The following SPG7 variants were observed in gnomAD, a reference collection of about 807,000 sequenced individuals.
The protein encoded by SPG7 is mitochondrial inner membrane m-AAA protease component paraplegin.
A neutral mutation model predicts 81.9 loss-of-function variants in SPG7; 103 were observed. The ratio of observed to expected loss-of-function variants is 1.26; its 90% CI spans 1.07 to 1.48. The LOEUF (loss-of-function observed/expected upper bound fraction) is 1.48. SPG7 is among the 40% of genes most tolerant of loss of function. The pLI is 0.00. For missense variants in SPG7, 1,241 were observed against 1,087.3 expected, an observed-to-expected ratio of 1.14 and a Z score of -1.99; for synonymous variants, 534 against 444.2, an observed-to-expected ratio of 1.20 and a Z score of -2.54.
In SPG7 at chr16:89,532,574, T is replaced by C. The variant is rs751756594; in HGVS notation, c.1262T>C (p.Met421Thr). The C allele has an allele frequency of 8.1e-6, 13 of 1,613,694 alleles. No individual in the cohort carries two copies. In the African/African-American group the frequency reaches 1.3e-4, roughly 17 times the overall value. Residue 421 changes from methionine (M) to threonine (T), a missense_variant, in exon 9 of 17, where the codon ATG becomes ACG. By Grantham distance (81) the Met-to-Thr change is moderately conservative. Transcript: ENST00000645818. ...GTGGGCAAGAAGCGCTCCACCACCA[T>C]GTCCGGCTTCTCCAACACGGAGGAG... ...DAVGKKRSTT[M>T]SGFSNTEEEQ... is the part of the protein sequence containing the mutation.
In SPG7 at chr16:89,544,713, G is replaced by T. The variant is rs370111283; in HGVS notation, c.1390G>T (p.Ala464Ser). ...GAACCGAGCTGACATTTTGGACGGTGCTCTGATGAGGCCAGGCCGACTGGA... is the reference window on the plus strand; with the variant it reads ...GAACCGAGCTGACATTTTGGACGGTTCTCTGATGAGGCCAGGCCGACTGGA... ...STNRADILDG[A>S]LMRPGRLDRH... Residue 464 changes from alanine (A) to serine (S), a missense_variant, in exon 10 of 17, where the codon GCT becomes TCT. Transcript: ENST00000645818. The T allele has an allele frequency of 3.1e-6, 5 of 1,614,032 alleles. No individual in the cohort carries two copies. In the South Asian group the frequency reaches 3.3e-5, roughly 11 times the overall value.
chr16:89,540,867 T>C, intron 9 of SPG7: 1 of 979,226 alleles, frequency 1.0e-6, no homozygotes, highest in Non-Finnish European at 1.2e-6. Context: ...CTCATTTACC[T>C]GTAATAGCTA....
At chr16:89,536,758 C>T (rs2058430105) in intron 9 of SPG7, 3 of 1,613,690 alleles carry the variant, frequency 1.9e-6, no homozygotes, top group Admixed American at 1.7e-5. Context: ...CCTTCTTCTC[C>T]AACCAGGTGC....
rs1000406749 is a variant in SPG7, at chr16:89,544,636, C to T, written c.1325-12C>T. 4 of 1,613,866 alleles carry T rather than the reference C, an allele frequency of 2.5e-6. No homozygotes were observed. In the African/African-American group the frequency reaches 4.0e-5, roughly 16 times the overall value. ...CCTACCCTCAGAGCCACTGTCTGCT[C>T]TGTCCCCTCAGGAATGGGTACCACA... On this transcript the variant is annotated splice_polypyrimidine_tract_variant and intron_variant, in intron 9 of 16. Coordinates refer to ENST00000645818, the MANE Select transcript of SPG7 (RefSeq NM_003119.4).
intron 3 of SPG7, among the ~76,000 whole-genome samples, chr16:89,513,595 G>A (rs572018804): frequency 1.9e-4 from 29 of 152,138 alleles, no homozygotes; most frequent in Non-Finnish European, 3.2e-4. Context: ...TTGGCCAGGC[G>A]TGGTGGTGTG....
rs568303056 is a variant in SPG7, at chr16:89,524,350, G to A, written c.618+103G>A. 56 of 1,349,706 alleles carry A rather than the reference G, an allele frequency of 4.1e-5. No homozygotes were observed. In the East Asian group the frequency reaches 1.2e-3, roughly 30 times the overall value. The allele number at this position is 1,349,706 out of a possible 1,614,324, so 83.6% of individuals were successfully genotyped here. The stretch of plus-strand genomic sequence containing the variant: ...CCTGTGAATGAGGGTGTGGGCGCTG[G>A]CTGTTGCCATCCTTTTGGATACCTG... On this transcript the variant is annotated intron_variant, in intron 4 of 16. Coordinates refer to ENST00000645818, the MANE Select transcript of SPG7 (RefSeq NM_003119.4).
At chr16:89,508,797 G>A (rs565187672) in intron 1 of SPG7, 197 bp downstream of exon 1, 2 of 716,908 alleles carry the variant, frequency 2.8e-6, no homozygotes, top group South Asian at 3.0e-5. Flanking sequence ...GGCGGGCCGG[G>A]AAGAGGCAGG....
rs979548897 is a variant in SPG7, at chr16:89,557,151, C to A, written c.*58C>A. On this transcript the variant is annotated 3_prime_UTR_variant, in exon 17 of 17. Coordinates refer to ENST00000645818, the MANE Select transcript of SPG7 (RefSeq NM_003119.4). ...CGGGAAGTGAGGGCTCACTCAGCCACCCTGAGTTGCTTTTCAGCTGAGGTT... is the reference window on the plus strand; with the variant it reads ...CGGGAAGTGAGGGCTCACTCAGCCAACCTGAGTTGCTTTTCAGCTGAGGTT... 2 of 1,365,844 alleles carry A rather than the reference C, an allele frequency of 1.5e-6. No homozygotes were observed. Among genetic ancestry groups the A allele is most frequent in the Non-Finnish European group, 2.1e-6 (2 of 965,718 alleles). The allele number at this position is 1,365,844 out of a possible 1,614,324, so 84.6% of individuals were successfully genotyped here. A position where few individuals can be genotyped will look rare whatever the true frequency, so the allele number is the denominator to read the frequency against.
intron 9 of SPG7, 192 bp from the exon 10 acceptor site, chr16:89,544,456 G>C (rs954498359): frequency 6.3e-6 from 4 of 634,928 alleles, no homozygotes; most frequent in Non-Finnish European, 8.5e-6. Flanking sequence ...GCAAATTCCT[G>C]TTCCTCCTGG....
chr16:89,544,438 C>G (rs776337684), intron 9 of SPG7: 5 of 581,742 alleles, frequency 8.6e-6, no homozygotes, highest in African/African-American at 7.4e-5. Flanking sequence ...TTGCACTTGT[C>G]AAAATAGGCA....
At chr16:89,514,133 T>G (rs1188452665) in intron 3 of SPG7, among the ~76,000 whole-genome samples, 2 of 152,148 alleles carry the variant, frequency 1.3e-5, no homozygotes, top group Non-Finnish European at 2.9e-5. Context: ...TTTAGGCGTT[T>G]CTGGCTTTAG....
chr16:89,553,329 A>C, intron 14 of SPG7, 194 bp downstream of exon 14: 1 of 657,500 alleles, frequency 1.5e-6, no homozygotes, highest in South Asian at 1.8e-5. Context: ...TTAATTGGAC[A>C]AAAACTTAAC....
At chr16:89,527,947 A>G (rs1022323816) in intron 5 of SPG7, among the ~76,000 whole-genome samples, 2 of 151,512 alleles carry the variant, frequency 1.3e-5, no homozygotes, top group Non-Finnish European at 2.9e-5. Context: ...AAAAAAAAAG[A>G]TGCACCTTTA....
chr16:89,540,646 A>C (rs2058482361), intron 9 of SPG7: 1 of 154,286 alleles, frequency 6.5e-6, no homozygotes, highest in South Asian at 2.1e-4. Context: ...GATGCAAAGA[A>C]ACCAGATCCC....
At chr16:89,513,115 A>G in intron 3 of SPG7, 78 bp downstream of exon 3, 1 of 1,536,648 alleles carries the variant, frequency 6.5e-7, no homozygotes, top group Non-Finnish European at 8.8e-7. Flanking sequence ...TAGCAAGGTG[A>G]AACCAGTCTG....
intron 9 of SPG7, 157 bp from the exon 10 acceptor site, chr16:89,544,491 G>A (rs1049965561): frequency 5.0e-6 from 4 of 792,090 alleles, no homozygotes; most frequent in East Asian, 5.3e-5. Context: ...AGCGATGGGG[G>A]ATCGCGGCTC....
chr16:89,526,809 G>A lies in SPG7; in HGVS notation c.758+341G>A, dbSNP rs139178087. On this transcript the variant is annotated intron_variant, in intron 5 of 16. Coordinates refer to ENST00000645818, the MANE Select transcript of SPG7 (RefSeq NM_003119.4). ...AGATGCCGAAGTCTCAGCCCCCGAC[G>A]TAGGATGGCGAAGTCTCAGCCCCCG... The A allele has an allele frequency of 9.2e-3, 3,232 of 350,434 alleles. 102 individuals carry two copies. The highest frequency in any genetic ancestry group is 0.067 in the African/African-American group (2,989 of 44,538). The allele number at this position is 350,434 out of a possible 1,614,324, so 21.7% of individuals were successfully genotyped here. A position where few individuals can be genotyped will look rare whatever the true frequency, so the allele number is the denominator to read the frequency against.
chr16:89,537,393 C>T, intron 9 of SPG7: 2 of 1,087,020 alleles, frequency 1.8e-6, no homozygotes, highest in South Asian at 3.0e-5. Context: ...TCGGCGCTGA[C>T]CACACGCGGG....
At position 89,530,854 on chromosome 16, in the gene SPG7, C is replaced by T. The variant is rs192255338; in HGVS notation, c.987+46C>T. ...GAGGGAGGTGTGAGCAGAGGCCGGC[C>T]GTCCTCCTCTCCCAGAAGGGCTCCT... is the stretch of plus-strand genomic sequence containing the variant. On this transcript the variant is annotated intron_variant, in intron 7 of 16. Coordinates refer to ENST00000645818, the MANE Select transcript of SPG7 (RefSeq NM_003119.4). 6.1e-5 allele frequency: 98 copies of T among 1,612,366 alleles called. No homozygotes were observed. In the African/African-American group the frequency reaches 1.0e-3, roughly 17 times the overall value.
Sources: allele counts gnomAD v4.1 joint callset (sites outside exome capture counted in the v4.1 genomes callset), GRCh38; gene constraint gnomAD v4.1.1; transcripts MANE v1.5; gene names NCBI Gene and HGNC (gene_info 2026-07-23, HGNC 2026-07-21).